The following KHDRBS2 variants were observed in gnomAD, a reference collection of about 807,000 sequenced individuals.
KHDRBS2 encodes KH domain-containing, RNA-binding, signal transduction-associated protein 2.
A neutral mutation model predicts 44.3 loss-of-function variants in KHDRBS2; 26 were observed. The observed-to-expected ratio is 0.59, with a 90% CI of 0.43 to 0.81. KHDRBS2 has a LOEUF of 0.81. Among genes scored for constraint, KHDRBS2 ranks in the 40% least tolerant of loss-of-function variants. The pLI is 0.00. For synonymous variants in KHDRBS2, 194 were observed against 151.1 expected (o/e 1.28, Z -2.08); for missense variants, 476 against 433.1 (o/e 1.10, Z -0.88).
At chr6:61,767,994 T>C (rs1245066068) in intron 6 of KHDRBS2, among the ~76,000 whole-genome samples, 2 of 152,214 alleles carry the variant, frequency 1.3e-5, no homozygotes, top group Non-Finnish European at 2.9e-5. Context: ...GATGGGTTTT[T>C]ATTGGTAAAG....
intron 6 of KHDRBS2, among the ~76,000 whole-genome samples, chr6:61,756,889 C>T (rs2127571052): frequency 6.6e-6 from 1 of 152,308 alleles, no homozygotes; most frequent in African/African-American, 2.4e-5. Flanking sequence ...TAGCCTCTTT[C>T]CTCAGGCAAC....
the KHDRBS2 span, among the ~76,000 whole-genome samples, chr6:61,571,433 G>T: frequency 1.3e-5 from 2 of 151,952 alleles, no homozygotes; most frequent in African/African-American, 4.8e-5. Flanking sequence ...ATTACTACTA[G>T]ACCTAATAAA....
chr6:61,765,948 T>A (rs1450988383), intron 6 of KHDRBS2, among the ~76,000 whole-genome samples: 1 of 152,144 alleles, frequency 6.6e-6, no homozygotes, highest in Non-Finnish European at 1.5e-5. Flanking sequence ...TTTCTTTTTT[T>A]AGATATTCCT....
chr6:61,763,968 T>G (rs1274626981), intron 6 of KHDRBS2, among the ~76,000 whole-genome samples: 1 of 152,146 alleles, frequency 6.6e-6, no homozygotes, highest in Non-Finnish European at 1.5e-5. Context: ...TTTATCCTGA[T>G]GCTTTCCCAC....
At chr6:62,264,622 T>C (rs1343997611) in intron 1 of KHDRBS2, among the ~76,000 whole-genome samples, 1 of 151,816 alleles carries the variant, frequency 6.6e-6, no homozygotes, top group Non-Finnish European at 1.5e-5. Flanking sequence ...CAGTTTCAAA[T>C]GATCTTATTA....
intron 6 of KHDRBS2, among the ~76,000 whole-genome samples, chr6:61,774,908 C>A (rs189505333): frequency 8.5e-5 from 13 of 152,240 alleles, no homozygotes; most frequent in Non-Finnish European, 1.5e-4. Context: ...TACTAGCAAA[C>A]TGAATCCAGC....
intron 6 of KHDRBS2, among the ~76,000 whole-genome samples, chr6:61,841,395 T>C (rs1403733998): frequency 6.6e-6 from 1 of 152,016 alleles, no homozygotes; most frequent in African/African-American, 2.4e-5. Flanking sequence ...CTTGAATACA[T>C]TTATAACATA....
the KHDRBS2 span, among the ~76,000 whole-genome samples, chr6:61,659,424 T>A: frequency 6.6e-6 from 1 of 151,784 alleles, no homozygotes; most frequent in African/African-American, 2.4e-5. Flanking sequence ...TATGAACCAA[T>A]TTAGGGCTCA....
chr6:62,158,051 C>G (rs1317020903), intron 2 of KHDRBS2, among the ~76,000 whole-genome samples: 6 of 152,120 alleles, frequency 3.9e-5, no homozygotes, highest in Admixed American at 6.5e-5. Flanking sequence ...AAGCAGTCAG[C>G]AAATCACAAC....
chr6:61,800,303 A>G (rs1332206036), intron 6 of KHDRBS2, among the ~76,000 whole-genome samples: 1 of 152,134 alleles, frequency 6.6e-6, no homozygotes, highest in East Asian at 1.9e-4. Flanking sequence ...TAGAATAGAA[A>G]GTCAGGTGGT....
At chr6:61,853,419 CAT>C (rs1248877722) in intron 6 of KHDRBS2, among the ~76,000 whole-genome samples, 3 of 151,994 alleles carry the variant, frequency 2.0e-5, no homozygotes, top group Non-Finnish European at 4.4e-5. Flanking sequence ...GTTGCATAAA[CAT>C]AATTACAGTT....
At chr6:62,180,404 A>G (rs1447170594) in intron 1 of KHDRBS2, among the ~76,000 whole-genome samples, 1 of 151,926 alleles carries the variant, frequency 6.6e-6, no homozygotes, top group Non-Finnish European at 1.5e-5. Flanking sequence ...CTAGCAACAA[A>G]CTATCCAAAA....
chr6:61,785,418 T>C (rs1248111150), intron 6 of KHDRBS2, among the ~76,000 whole-genome samples: 2 of 152,148 alleles, frequency 1.3e-5, no homozygotes, highest in Admixed American at 6.6e-5. Flanking sequence ...ACAACAGTTA[T>C]CAAAATTTAG....
intron 2 of KHDRBS2, among the ~76,000 whole-genome samples, chr6:62,122,282 C>T (rs879594166): frequency 6.6e-6 from 1 of 152,150 alleles, no homozygotes; most frequent in Admixed American, 6.5e-5. Flanking sequence ...GCCCTGCCAT[C>T]TTCTGCAGAT....
At position 62,047,956 on chromosome 6, in the gene KHDRBS2, G is replaced by A. The variant is rs1788078637; in HGVS notation, c.258C>T (p.Asn86=). ...TTTCTTCCTGTAGCCTCTTCAAGGAGTTTCCTCTTGGTCCAAGCAATTTCC... is the reference window on the plus strand; with the variant it reads ...TTTCTTCCTGTAGCCTCTTCAAGGAATTTCCTCTTGGTCCAAGCAATTTCC... The part of the protein sequence containing the change: ...FVGKLLGPRG[N]SLKRLQEETG... Residue 86 remains asparagine, a synonymous_variant, in exon 3 of 9, where the codon AAC becomes AAT. Coordinates refer to ENST00000281156, the MANE Select transcript of KHDRBS2 (RefSeq NM_152688.4). 6.2e-7 allele frequency: 1 copy of A among 1,611,396 alleles called. No homozygotes were observed. The highest frequency in any genetic ancestry group is 1.7e-5 in the Admixed American group (1 of 59,802).
chr6:61,638,176 C>A, the KHDRBS2 span, among the ~76,000 whole-genome samples: 2 of 151,834 alleles, frequency 1.3e-5, no homozygotes, highest in Non-Finnish European at 2.9e-5. Context: ...CATATGGAAC[C>A]AAAAAAGAGC....
chr6:61,617,577 A>AC, the KHDRBS2 span, among the ~76,000 whole-genome samples: 1 of 152,178 alleles, frequency 6.6e-6, no homozygotes, highest in Non-Finnish European at 1.5e-5. Flanking sequence ...ATGTTAAAAT[A>AC]CAAATTAAGA....
chr6:62,082,018 T>C (rs1797496689), intron 2 of KHDRBS2, among the ~76,000 whole-genome samples: 1 of 152,010 alleles, frequency 6.6e-6, no homozygotes, highest in South Asian at 2.1e-4. Flanking sequence ...CACAATAGGG[T>C]ATTGATCTCA....
intron 1 of KHDRBS2, among the ~76,000 whole-genome samples, chr6:62,196,117 T>C (rs1825646902): frequency 6.6e-6 from 1 of 152,134 alleles, no homozygotes; most frequent in Non-Finnish European, 1.5e-5. Flanking sequence ...TTCTAACAAA[T>C]AGTTAATACT....
Sources: allele counts gnomAD v4.1 joint callset (sites outside exome capture counted in the v4.1 genomes callset), GRCh38; gene constraint gnomAD v4.1.1; transcripts MANE v1.5; gene names NCBI Gene and HGNC (gene_info 2026-07-23, HGNC 2026-07-21).